The following KDM4C variants were observed in gnomAD, a reference collection of about 807,000 sequenced individuals.
The protein encoded by KDM4C is lysine demethylase 4C.
Under a neutral mutation model 129.3 loss-of-function variants are expected in KDM4C, and 81 were observed. The observed-to-expected ratio is 0.63, with a 90% confidence interval of 0.52 to 0.75. The LOEUF (loss-of-function observed/expected upper bound fraction) is 0.75. KDM4C is among the 30% of genes least tolerant of loss of function. KDM4C has a pLI of 0.00. For missense variants in KDM4C, 1,457 were observed against 1,304.0 expected (o/e 1.12, Z -1.81); for synonymous variants, 573 against 456.1 (o/e 1.26, Z -3.26).
Position 7,165,299 on chromosome 9 carries a change from C to A in KDM4C, c.2843C>A (p.Pro948His). Residue 948 changes from proline (P) to histidine (H), a missense_variant, in exon 20 of 22, where the codon CCC (proline) becomes CAC (histidine). Coordinates refer to ENST00000381309, the MANE Select transcript of KDM4C (RefSeq NM_015061.6). ...GGAGAAGTCGTCCAAGTCAAGTGGC[C>A]CGATGGCAAACTCTATGGAGCAAAA... The part of the protein sequence containing the change: ...AEGEVVQVKW[P>H]DGKLYGAKYF... The A allele has an allele frequency of 6.2e-7, 1 of 1,614,094 alleles. No individual in the cohort carries two copies. The highest frequency in any genetic ancestry group is 8.5e-7 in the Non-Finnish European group (1 of 1,179,996).
At chr9:6,996,076 A>G (rs1819687708) in intron 12 of KDM4C, among the ~76,000 whole-genome samples, 1 of 152,246 alleles carries the variant, frequency 6.6e-6, no homozygotes, top group Non-Finnish European at 1.5e-5. Context: ...CCATCACCTG[A>G]ATAGTGTACA....
intron 17 of KDM4C, among the ~76,000 whole-genome samples, chr9:7,058,316 A>G (rs1209348208): frequency 6.6e-6 from 1 of 152,188 alleles, no homozygotes; most frequent in East Asian, 1.9e-4. Flanking sequence ...TAGACTAACG[A>G]TGCAAGTGCA....
chr9:6,934,992 A>C (rs1384678283), intron 8 of KDM4C, among the ~76,000 whole-genome samples: 1 of 152,086 alleles, frequency 6.6e-6, no homozygotes, highest in Non-Finnish European at 1.5e-5. Context: ...TGTTAATAAC[A>C]ATGACACAAG....
At chr9:7,022,802 T>C (rs1384371554) in intron 15 of KDM4C, among the ~76,000 whole-genome samples, 1 of 152,136 alleles carries the variant, frequency 6.6e-6, no homozygotes, top group Non-Finnish European at 1.5e-5. Context: ...TATATGGCTT[T>C]TATTGTGTTG....
intron 1 of KDM4C, among the ~76,000 whole-genome samples, chr9:6,779,170 A>C (rs1426229707): frequency 6.6e-6 from 1 of 151,728 alleles, no homozygotes; most frequent in Non-Finnish European, 1.5e-5. Flanking sequence ...CTGGGACTAC[A>C]GGTGCCCGCC....
intron 4 of KDM4C, chr9:6,835,089 G>A (rs1835637879): frequency 3.0e-6 from 3 of 998,160 alleles, no homozygotes; most frequent in East Asian, 2.4e-5. Context: ...GTGACATCAA[G>A]GAGAAGCTGT....
chr9:6,780,488 C>T (rs766617552), intron 1 of KDM4C, among the ~76,000 whole-genome samples: 13 of 151,760 alleles, frequency 8.6e-5, no homozygotes, highest in Non-Finnish European at 1.3e-4. Flanking sequence ...AGAAATTGGC[C>T]AGGTGCTGTG....
intron 1 of KDM4C, chr9:6,734,774 T>G (rs564747120): frequency 2.8e-4 from 108 of 384,774 alleles, no homozygotes; most frequent in Middle Eastern, 8.9e-4. Flanking sequence ...CTACTTAAAA[T>G]ATGTTTGTAA....
chr9:7,148,460 T>G (rs1165083025), intron 19 of KDM4C, among the ~76,000 whole-genome samples: 2 of 151,668 alleles, frequency 1.3e-5, no homozygotes, highest in African/African-American at 4.9e-5. Context: ...CCAGTAGCAG[T>G]GGAGAACAGG....
intron 8 of KDM4C, among the ~76,000 whole-genome samples, chr9:6,942,957 C>T (rs1425783227): frequency 6.6e-6 from 1 of 152,120 alleles, no homozygotes; most frequent in Non-Finnish European, 1.5e-5. Flanking sequence ...CCCCAACCTC[C>T]TGGTTTCAAA....
At chr9:7,046,699 C>T (rs915075654) in intron 15 of KDM4C, among the ~76,000 whole-genome samples, 163 bp from the exon 16 acceptor site, 15 of 151,914 alleles carry the variant, frequency 9.9e-5, no homozygotes, top group South Asian at 6.2e-4. Flanking sequence ...TTTCCCCCTC[C>T]GCTGTCTTTC....
At chr9:6,822,890 C>CT (rs1259012494) in intron 4 of KDM4C, among the ~76,000 whole-genome samples, 3 of 152,228 alleles carry the variant, frequency 2.0e-5, no homozygotes, top group Non-Finnish European at 2.9e-5. Flanking sequence ...AGCTACATCT[C>CT]TTTTTTTCTG....
chr9:6,991,182 G>C (rs1349752151), intron 12 of KDM4C, among the ~76,000 whole-genome samples: 1 of 151,962 alleles, frequency 6.6e-6, no homozygotes, highest in African/African-American at 2.4e-5. Context: ...AGGCCTAAGT[G>C]ATCCTCCTAC....
intron 17 of KDM4C, among the ~76,000 whole-genome samples, chr9:7,054,319 C>G (rs1830587760): frequency 6.6e-6 from 1 of 152,136 alleles, no homozygotes; most frequent in South Asian, 2.1e-4. Context: ...TTTTCCTTTT[C>G]TTCTTTCTTT....
At chr9:7,037,322 A>G (rs1024238619) in intron 15 of KDM4C, among the ~76,000 whole-genome samples, 2 of 152,158 alleles carry the variant, frequency 1.3e-5, no homozygotes, top group Non-Finnish European at 1.5e-5. Flanking sequence ...GCTTCCTACA[A>G]TGCAGCTTGA....
intron 5 of KDM4C, among the ~76,000 whole-genome samples, chr9:6,869,368 A>G (rs1443336789): frequency 6.6e-6 from 1 of 152,152 alleles, no homozygotes; most frequent in Non-Finnish European, 1.5e-5. Flanking sequence ...TCCAGGCCGT[A>G]CTCTTAGATG....
At chr9:6,789,600 G>A (rs909773605) in intron 1 of KDM4C, among the ~76,000 whole-genome samples, 3 of 151,892 alleles carry the variant, frequency 2.0e-5, no homozygotes, top group Admixed American at 2.0e-4. Flanking sequence ...TCCTGGACTC[G>A]AGTGATCTGC....
intron 17 of KDM4C, among the ~76,000 whole-genome samples, chr9:7,058,626 C>T (rs894756973): frequency 1.1e-4 from 17 of 151,964 alleles, no homozygotes; most frequent in African/African-American, 3.9e-4. Context: ...CAATGCCAGG[C>T]ATCTGGCATT....
intron 8 of KDM4C, among the ~76,000 whole-genome samples, chr9:6,918,950 C>T (rs532958790): frequency 3.3e-5 from 5 of 152,172 alleles, no homozygotes; most frequent in African/African-American, 1.2e-4. Context: ...TGCCTGGGTT[C>T]AAGCGATTCT....
Sources: allele counts gnomAD v4.1 joint callset (sites outside exome capture counted in the v4.1 genomes callset), GRCh38; gene constraint gnomAD v4.1.1; transcripts MANE v1.5; gene names NCBI Gene and HGNC (gene_info 2026-07-23, HGNC 2026-07-21).